CLOCK: variants seen among roughly 807,000 people sequenced by gnomAD.
CLOCK encodes the protein circadian locomoter output cycles protein kaput.
In CLOCK, 43 loss-of-function variants were observed where a neutral mutation model predicts 118.4. That is an observed-to-expected ratio of 0.36 (90% confidence interval 0.28 to 0.47). The LOEUF (loss-of-function observed/expected upper bound fraction) is 0.47, where lower values mean the gene tolerates loss of function less well. CLOCK is among the 20% of genes least tolerant of loss of function. CLOCK has a pLI of 1.00. For missense variants in CLOCK, 846 were observed against 999.9 expected (o/e 0.85, Z 2.08); for synonymous variants, 326 against 339.2 (o/e 0.96, Z 0.43).
In CLOCK at chr4:55,449,480, G is replaced by C; in HGVS notation, c.1365C>G (p.Ile455Met). 6.2e-7 allele frequency: 1 copy of C among 1,613,980 alleles called. No homozygotes were observed. Among genetic ancestry groups the C allele is most frequent in the Non-Finnish European group, 8.5e-7 (1 of 1,179,918 alleles). ...TGGGTGGAGTGCTCGTATCCGTCGG[G>C]ATCTTGGTTGGTGTTGCTGAAGTCA... ...VSDPSSTPTK[I>M]PTDTSTPPRQ... The change falls in exon 17 of 23, where the codon ATC (isoleucine) becomes ATG (methionine). Residue 455 changes from isoleucine to methionine, a missense_variant. Around this residue, in one of 4 missense-constraint regions of CLOCK, gnomAD observed 520 missense variants for 558.0 expected, o/e 0.93. Coordinates refer to ENST00000513440, the MANE Select transcript of CLOCK (RefSeq NM_004898.4).
intron 1 of CLOCK, among the ~76,000 whole-genome samples, chr4:55,513,210 C>T (rs946318901): frequency 1.2e-4 from 18 of 152,112 alleles, no homozygotes; most frequent in African/African-American, 4.1e-4. Flanking sequence ...GTTTACATTC[C>T]TTTTCTACAT....
chr4:55,517,976 G>A (rs1208087512), intron 1 of CLOCK, among the ~76,000 whole-genome samples: 1 of 152,086 alleles, frequency 6.6e-6, no homozygotes, highest in Admixed American at 6.6e-5. Context: ...GTGGGGGGTG[G>A]GGAGTCGGAT....
chr4:55,459,030 T>C lies in CLOCK; in HGVS notation c.674-20A>G, dbSNP rs1388198178. 10 of 1,584,672 alleles carry C rather than the reference T, an allele frequency of 6.3e-6. No individual in the cohort carries two copies. Among genetic ancestry groups the C allele is most frequent in the South Asian group, 2.2e-5 (2 of 90,478 alleles). ...AGGATACTAAAACAATAGGGAAATA[T>C]GTATCATCAGTTATGCCAGCAAAAC... On this transcript the variant is annotated intron_variant, in intron 10 of 22. Transcript: ENST00000513440.
chr4:55,448,774 A>C lies in CLOCK; in HGVS notation c.1539+5T>G, dbSNP rs1421483246. 3 of 1,612,482 alleles carry C rather than the reference A, an allele frequency of 1.9e-6. No individual in the cohort carries two copies. The highest frequency in any genetic ancestry group is 1.7e-5 in the Admixed American group (1 of 60,004). On this transcript the variant is annotated splice_donor_5th_base_variant and intron_variant, in intron 18 of 22. Transcript: ENST00000513440. The stretch of plus-strand genomic sequence containing the variant: ...TACGCAACTGAAACAAAAACCAAAA[A>C]GTACCTGGGACATGCCTTGTGGAAT...
intron 13 of CLOCK, 116 bp downstream of exon 13, chr4:55,455,781 C>A (rs1724876298): frequency 3.8e-6 from 3 of 793,968 alleles, no homozygotes; most frequent in Non-Finnish European, 6.5e-6. Context: ...AATCTTTTAG[C>A]ATATTTCAAA....
Position 55,429,515 on chromosome 4 carries a change from A to C in CLOCK, c.*5900T>G, listed in dbSNP as rs1361789826. The stretch of plus-strand genomic sequence containing the variant: ...AAAGGACCAAGTAACTTGACACCAT[A>C]TTAAAGACAGCAAACATTTTTTGTA... On this transcript the variant is annotated 3_prime_UTR_variant, in exon 23 of 23. Coordinates refer to ENST00000513440, the MANE Select transcript of CLOCK (RefSeq NM_004898.4). 1.3e-5 allele frequency: 2 copies of C among 151,958 alleles called. No individual in the cohort carries two copies. The highest frequency in any genetic ancestry group is 1.3e-4 in the Admixed American group (2 of 15,278). The allele number at this position is 151,958 out of a possible 1,614,324, so 9.4% of individuals were successfully genotyped here.
intron 1 of CLOCK, among the ~76,000 whole-genome samples, chr4:55,519,388 C>G (rs915613916): frequency 8.5e-5 from 13 of 152,144 alleles, no homozygotes; most frequent in African/African-American, 2.7e-4. Flanking sequence ...TAGGATAGTT[C>G]TTTCCAGAGC....
intron 7 of CLOCK, 57 bp from the exon 8 acceptor site, chr4:55,470,863 G>A: frequency 1.6e-6 from 2 of 1,254,734 alleles, no homozygotes; most frequent in Non-Finnish European, 2.3e-6. Flanking sequence ...TTGCAGGACA[G>A]AAATAAAAAT....
chr4:55,487,453 GA>G (rs1341828789), intron 3 of CLOCK, among the ~76,000 whole-genome samples: 1 of 152,128 alleles, frequency 6.6e-6, no homozygotes, highest in Non-Finnish European at 1.5e-5. Flanking sequence ...ATAATTCAGA[GA>G]AAATAATTAT....
At chr4:55,539,572 CAAAAAAAAAAAAAAAA>C (rs57022769) in intron 1 of CLOCK, among the ~76,000 whole-genome samples, 3 of 52,064 alleles carry the variant, frequency 5.8e-5, no homozygotes, top group Non-Finnish European at 9.6e-5. Flanking sequence ...GACCTTGTCT[CAAAAAAAAAAAAAAAA>C]AAAAAAAAAA....
In CLOCK at chr4:55,492,717, C is replaced by G. The variant is rs1038946447; in HGVS notation, c.-135-3252G>C. On this transcript the variant is annotated intron_variant, in intron 2 of 22. Transcript: ENST00000513440. The stretch of plus-strand genomic sequence containing the variant: ...AAAATTAGCTGGGCATGGTGGCACA[C>G]GCCTGTAATCCCAGTTACTCGGGAG... 2.0e-5 allele frequency among the ~76,000 whole-genome samples: 3 copies of G among 151,934 alleles called. No homozygotes were observed. The South Asian group carries it at 6.2e-4, about 32-fold the overall frequency.
intron 1 of CLOCK, among the ~76,000 whole-genome samples, chr4:55,522,310 C>T (rs1729893717): frequency 6.6e-6 from 1 of 151,958 alleles, no homozygotes; most frequent in Admixed American, 6.6e-5. Context: ...TAATTCAAAT[C>T]TGAAGTCTAA....
At chr4:55,544,045 C>T (rs561630926) in intron 1 of CLOCK, among the ~76,000 whole-genome samples, 2 of 151,934 alleles carry the variant, frequency 1.3e-5, no homozygotes, top group Non-Finnish European at 2.9e-5. Context: ...TTGAGGGTCC[C>T]CTCCCAAAAT....
At chr4:55,513,069 T>C (rs573268958) in intron 1 of CLOCK, among the ~76,000 whole-genome samples, 27 of 152,284 alleles carry the variant, frequency 1.8e-4, no homozygotes, top group African/African-American at 6.5e-4. Flanking sequence ...TCTACAGTAG[T>C]GTACCCTAAT....
intron 6 of CLOCK, among the ~76,000 whole-genome samples, chr4:55,476,634 T>C (rs1268587318): frequency 6.6e-6 from 1 of 152,182 alleles, no homozygotes. Flanking sequence ...GTGATTTTTC[T>C]TAGTGTCCTC....
chr4:55,482,854 T>C, intron 3 of CLOCK, 26 bp from the exon 4 acceptor site: 1 of 1,096,676 alleles, frequency 9.1e-7, no homozygotes, highest in Non-Finnish European at 1.4e-6. Context: ...AAATAAATGG[T>C]CATTAGTTTT....
intron 16 of CLOCK, 26 bp downstream of exon 16, chr4:55,450,065 G>T (rs775068551): frequency 2.5e-6 from 4 of 1,613,752 alleles, no homozygotes; most frequent in Non-Finnish European, 3.4e-6. Flanking sequence ...TTTAAAGGAA[G>T]TCTGCTTTGA....
intron 1 of CLOCK, among the ~76,000 whole-genome samples, chr4:55,520,070 A>C (rs995236414): frequency 6.6e-6 from 1 of 152,210 alleles, no homozygotes; most frequent in Non-Finnish European, 1.5e-5. Flanking sequence ...AATCCGATTC[A>C]AGGCCAACAT....
chr4:55,500,277 G>A (rs917015397), intron 2 of CLOCK, among the ~76,000 whole-genome samples: 3 of 151,994 alleles, frequency 2.0e-5, no homozygotes, highest in East Asian at 1.9e-4. Context: ...GTTTACTTTC[G>A]AAAGTCTTCA....
Sources: allele counts gnomAD v4.1 joint callset (sites outside exome capture counted in the v4.1 genomes callset), GRCh38; gene constraint gnomAD v4.1.1; regional missense constraint gnomAD v4.1.1; transcripts MANE v1.5; gene names NCBI Gene and HGNC (gene_info 2026-07-23, HGNC 2026-07-21).